LINGO2: variants seen among roughly 807,000 people sequenced by gnomAD.
LINGO2 encodes leucine-rich repeat and immunoglobulin-like domain-containing nogo receptor-interacting protein 2.
LINGO2 carries 14 observed loss-of-function variants against 30.6 expected under a neutral mutation model. That is an observed-to-expected ratio of 0.46 (90% CI 0.30 to 0.72). LINGO2 has a LOEUF of 0.72. LINGO2 is among the 30% of genes least tolerant of loss of function. LINGO2 has a pLI of 0.07. For synonymous variants in LINGO2, 317 were observed against 288.5 expected (o/e 1.10, Z -1.00); for missense variants, 729 against 751.7 (o/e 0.97, Z 0.35).
intron 3 of LINGO2, among the ~76,000 whole-genome samples, chr9:28,305,507 T>C (rs1469389405): frequency 1.3e-5 from 2 of 152,048 alleles, no homozygotes; most frequent in African/African-American, 2.4e-5. Flanking sequence ...AATATGTGGA[T>C]TTAGTAAGGC....
At chr9:28,814,752 G>C in the LINGO2 span, among the ~76,000 whole-genome samples, 1 of 152,100 alleles carries the variant, frequency 6.6e-6, no homozygotes, top group Non-Finnish European at 1.5e-5. Context: ...GCCGGGCATG[G>C]TGGCAGGCAC....
chr9:28,374,368 AT>A (rs938892551), intron 2 of LINGO2, among the ~76,000 whole-genome samples: 8 of 151,830 alleles, frequency 5.3e-5, no homozygotes, highest in Non-Finnish European at 8.8e-5. Context: ...TGTTTATAAT[AT>A]TTTTTTATAA....
intron 4 of LINGO2, among the ~76,000 whole-genome samples, chr9:28,044,350 G>C (rs146489848): frequency 4.6e-5 from 7 of 152,006 alleles, no homozygotes; most frequent in East Asian, 3.9e-4. Flanking sequence ...TTTAATGAAC[G>C]TATTTCCCCA....
At chr9:28,767,500 C>T in the LINGO2 span, among the ~76,000 whole-genome samples, 1 of 151,920 alleles carries the variant, frequency 6.6e-6, no homozygotes, top group Non-Finnish European at 1.5e-5. Context: ...AAAGTTTATG[C>T]CTGGGCCAGG....
At chr9:28,316,897 G>A (rs538546697) in intron 3 of LINGO2, among the ~76,000 whole-genome samples, 2 of 152,240 alleles carry the variant, frequency 1.3e-5, no homozygotes, top group East Asian at 3.9e-4. Context: ...AATACAGAAA[G>A]CTCAATCTCC....
At chr9:29,113,613 C>T in the LINGO2 span, among the ~76,000 whole-genome samples, 4 of 152,238 alleles carry the variant, frequency 2.6e-5, no homozygotes, top group South Asian at 2.1e-4. Context: ...TTTCATTTCA[C>T]GGTTGCCAAA....
chr9:28,961,471 C>T, the LINGO2 span, among the ~76,000 whole-genome samples: 43 of 152,254 alleles, frequency 2.8e-4, no homozygotes, highest in African/African-American at 9.6e-4. Context: ...GAGTAGGACT[C>T]ATCCATATCC....
intron 4 of LINGO2, among the ~76,000 whole-genome samples, chr9:28,151,050 C>G (rs1827985428): frequency 6.6e-6 from 1 of 152,054 alleles, no homozygotes; most frequent in Non-Finnish European, 1.5e-5. Context: ...ATTTTGAAAG[C>G]CAGAGTAACA....
the LINGO2 span, among the ~76,000 whole-genome samples, chr9:29,178,142 G>T: frequency 4.6e-5 from 7 of 151,512 alleles, no homozygotes; most frequent in Non-Finnish European, 1.0e-4. Context: ...TGGAACCTCC[G>T]CCTCCTGGGT....
At chr9:28,644,942 A>C (rs948775908) in intron 1 of LINGO2, among the ~76,000 whole-genome samples, 3 of 152,088 alleles carry the variant, frequency 2.0e-5, no homozygotes, top group African/African-American at 7.2e-5. Flanking sequence ...TCATTGCTAT[A>C]TGATATAAAA....
At chr9:29,194,011 G>T in the LINGO2 span, among the ~76,000 whole-genome samples, 1 of 152,048 alleles carries the variant, frequency 6.6e-6, no homozygotes, top group African/African-American at 2.4e-5. Context: ...TGAATGGAAG[G>T]GGGCTTGTCC....
intron 4 of LINGO2, among the ~76,000 whole-genome samples, chr9:28,035,211 C>G (rs1343457): frequency 6.6e-6 from 1 of 152,032 alleles, no homozygotes; most frequent in Non-Finnish European, 1.5e-5. Flanking sequence ...ACTGCTAACT[C>G]GGTTGATAAG....
At chr9:28,414,267 C>CT (rs1199325018) in intron 2 of LINGO2, among the ~76,000 whole-genome samples, 9 of 152,020 alleles carry the variant, frequency 5.9e-5, no homozygotes, top group Non-Finnish European at 1.2e-4. Flanking sequence ...ATGAAGTTGT[C>CT]TATTTCATCA....
chr9:28,237,669 G>A (rs1287162593), intron 4 of LINGO2, among the ~76,000 whole-genome samples: 4 of 151,910 alleles, frequency 2.6e-5, no homozygotes, highest in East Asian at 1.9e-4. Flanking sequence ...CCTGGCCAAC[G>A]TGGCAAAACC....
chr9:28,889,644 C>A, the LINGO2 span, among the ~76,000 whole-genome samples: 1 of 152,024 alleles, frequency 6.6e-6, no homozygotes, highest in African/African-American at 2.4e-5. Context: ...TAACTGGAAT[C>A]TTTTCTACCA....
intron 2 of LINGO2, among the ~76,000 whole-genome samples, chr9:28,424,858 T>C (rs1484581605): frequency 6.6e-6 from 1 of 152,110 alleles, no homozygotes; most frequent in Non-Finnish European, 1.5e-5. Flanking sequence ...GGTCAGGCCC[T>C]GGAATTAAGC....
At chr9:28,053,122 G>T (rs1158403764) in intron 4 of LINGO2, among the ~76,000 whole-genome samples, 3 of 147,806 alleles carry the variant, frequency 2.0e-5, no homozygotes. Flanking sequence ...AAGGTATAAT[G>T]AGAGTCATAG....
the LINGO2 span, among the ~76,000 whole-genome samples, chr9:28,676,719 T>A: frequency 1.3e-5 from 2 of 152,078 alleles, no homozygotes; most frequent in African/African-American, 4.8e-5. Context: ...GTTCTTGCCC[T>A]TTTTAGAGAG....
intron 4 of LINGO2, among the ~76,000 whole-genome samples, chr9:28,192,579 G>A (rs1377170750): frequency 1.3e-5 from 2 of 151,998 alleles, no homozygotes; most frequent in Non-Finnish European, 2.9e-5. Context: ...CCACTGGCCT[G>A]GCTCTGTGGT....
Sources: allele counts gnomAD v4.1 joint callset (sites outside exome capture counted in the v4.1 genomes callset), GRCh38; gene constraint gnomAD v4.1.1; transcripts MANE v1.5; gene names NCBI Gene and HGNC (gene_info 2026-07-23, HGNC 2026-07-21).